The following ABAT variants were observed in gnomAD, a reference collection of about 807,000 sequenced individuals.
ABAT encodes 4-aminobutyrate aminotransferase, mitochondrial.
ABAT carries 45 observed loss-of-function variants against 64.6 expected under a neutral mutation model. The ratio of observed to expected loss-of-function variants is 0.70; its 90% CI spans 0.55 to 0.89. The LOEUF is 0.89. Ranked by LOEUF, ABAT falls within the 40% of genes least tolerant of loss-of-function variation. The pLI, the probability that ABAT is intolerant of heterozygous loss-of-function variation, is 0.00. For missense variants in ABAT, 633 were observed against 658.4 expected (o/e 0.96, Z 0.42); for synonymous variants, 297 against 250.5 (o/e 1.19, Z -1.75).
Position 8,698,554 on chromosome 16 carries a change from G to T in ABAT, c.-42+23843G>T, listed in dbSNP as rs546368141. Among the ~76,000 whole-genome samples the T allele has an allele frequency of 3.3e-5, 5 of 152,022 alleles. No individual in the cohort carries two copies. The East Asian group carries it at 9.8e-4, about 30-fold the overall frequency. Reference sequence around the variant, plus strand: ...TCACCATGTTGTCCAGGCTGGTCTCGAACTCCTGACCTCAGGTGATCCACC... The same window carrying T: ...TCACCATGTTGTCCAGGCTGGTCTCTAACTCCTGACCTCAGGTGATCCACC... On this transcript the variant is annotated intron_variant, in intron 1 of 15. Coordinates refer to ENST00000268251, the MANE Select transcript of ABAT (RefSeq NM_020686.6).
intron 1 of ABAT, among the ~76,000 whole-genome samples, chr16:8,675,169 C>A (rs547912205): frequency 4.0e-5 from 6 of 151,868 alleles, no homozygotes; most frequent in Admixed American, 2.0e-4. Flanking sequence ...TGGAAGCTCT[C>A]CCCCCATCAT....
chr16:8,775,915 G>A (rs957819180), intron 13 of ABAT, among the ~76,000 whole-genome samples: 2 of 152,124 alleles, frequency 1.3e-5, no homozygotes, highest in African/African-American at 4.8e-5. Flanking sequence ...ATCTTTGAGG[G>A]TCACTGCCAG....
At chr16:8,748,519 A>G (rs1245312895) in intron 4 of ABAT, among the ~76,000 whole-genome samples, 2 of 152,162 alleles carry the variant, frequency 1.3e-5, no homozygotes, top group East Asian at 3.8e-4. Context: ...GTTGTTGGGC[A>G]GAGTGTTCTA....
In ABAT at chr16:8,768,986, C is replaced by T. The variant is rs2060024419; in HGVS notation, c.816+13C>T. On this transcript the variant is annotated intron_variant, in intron 11 of 15. Coordinates refer to ENST00000268251, the MANE Select transcript of ABAT (RefSeq NM_020686.6). ...CTGTCTGGAAGAGGTAATGCTCATA[C>T]CCTGCGGATCCTCCCCAACCACCAG... 1 of 1,613,998 alleles carries T rather than the reference C, an allele frequency of 6.2e-7. No homozygotes were observed. Among genetic ancestry groups the T allele is most frequent in the Non-Finnish European group, 8.5e-7 (1 of 1,179,962 alleles).
At chr16:8,677,132 T>C (rs2057223262) in intron 1 of ABAT, among the ~76,000 whole-genome samples, 1 of 152,212 alleles carries the variant, frequency 6.6e-6, no homozygotes, top group Non-Finnish European at 1.5e-5. Context: ...TAGTGTCTGA[T>C]CTTAACCTCT....
chr16:8,781,101 G>A lies in ABAT; in HGVS notation c.1382-208G>A, dbSNP rs1433499583. The A allele has an allele frequency of 1.3e-6, 1 of 767,116 alleles. No individual in the cohort carries two copies. Among genetic ancestry groups the A allele is most frequent in the African/African-American group, 1.7e-5 (1 of 58,800 alleles). The allele number at this position is 767,116 out of a possible 1,614,324, so 47.5% of individuals were successfully genotyped here. A position where few individuals can be genotyped will look rare whatever the true frequency, so the allele number is the denominator to read the frequency against. On this transcript the variant is annotated intron_variant, in intron 15 of 15. Coordinates refer to ENST00000268251, the MANE Select transcript of ABAT (RefSeq NM_020686.6). The surrounding 1 kb of genome is among the most constrained non-coding windows in gnomAD (Gnocchi z 4.5). ...GGAAGGAAAGGAAGAAGAGAATGAT[G>A]GAGGAGATGAATGAGGGGAGAGAGA...
Position 8,780,569 on chromosome 16 carries a change from C to T in ABAT, c.1382-740C>T, listed in dbSNP as rs185427248. ...CTGAAGTCAGGAGTTCGAGACCAGC[C>T]TGGCCAACGGGGCAAAACCTCATCT... is the stretch of plus-strand genomic sequence containing the variant. On this transcript the variant is annotated intron_variant, in intron 15 of 15. Transcript: ENST00000268251. 4.8e-3 allele frequency: 757 copies of T among 156,226 alleles called. 11 individuals are homozygous for T. Among genetic ancestry groups the T allele is most frequent in the Non-Finnish European group, 4.3e-3 (306 of 70,670 alleles). The allele number at this position is 156,226 out of a possible 1,614,324, so 9.7% of individuals were successfully genotyped here.
Position 8,725,399 on chromosome 16 carries a change from C to T in ABAT, c.-41-10300C>T, listed in dbSNP as rs67350881. 5.9e-5 allele frequency among the ~76,000 whole-genome samples: 9 copies of T among 152,082 alleles called. No homozygotes were observed. In the East Asian group the frequency reaches 1.7e-3, roughly 29 times the overall value. On this transcript the variant is annotated intron_variant, in intron 1 of 15. Coordinates refer to ENST00000268251, the MANE Select transcript of ABAT (RefSeq NM_020686.6). The stretch of plus-strand genomic sequence containing the variant: ...CATTCCTCCCAGGCCCCTGCCAACC[C>T]CTGATTTATTTTCTGTCTTTGTAGA...
At chr16:8,725,544 A>T (rs2058525180) in intron 1 of ABAT, among the ~76,000 whole-genome samples, 1 of 152,248 alleles carries the variant, frequency 6.6e-6, no homozygotes, top group African/African-American at 2.4e-5. Flanking sequence ...AGCATGTGTC[A>T]GAACTTCATT....
intron 1 of ABAT, among the ~76,000 whole-genome samples, chr16:8,725,461 T>C (rs558829981): frequency 3.3e-5 from 5 of 152,340 alleles, no homozygotes; most frequent in African/African-American, 1.2e-4. Context: ...AATGGATTCG[T>C]AGACTATGGG....
chr16:8,712,007 G>GC (rs544267657), intron 1 of ABAT, among the ~76,000 whole-genome samples: 44 of 151,740 alleles, frequency 2.9e-4, no homozygotes, highest in Non-Finnish European at 6.0e-4. Flanking sequence ...TGGGAGGTCG[G>GC]GGGGGAGGGG....
intron 1 of ABAT, chr16:8,714,512 A>AT (rs1179299716): frequency 2.6e-5 from 4 of 152,324 alleles, no homozygotes; most frequent in Non-Finnish European, 4.4e-5. Flanking sequence ...TTCATTTTGA[A>AT]TTTTTTCCCA....
intron 11 of ABAT, among the ~76,000 whole-genome samples, chr16:8,769,894 T>G (rs1187895152): frequency 1.3e-5 from 2 of 152,200 alleles, no homozygotes; most frequent in Non-Finnish European, 2.9e-5. Context: ...GGTTTTTTTC[T>G]TAGGCACATC....
Position 8,781,354 on chromosome 16 carries a change from C to A in ABAT, c.1427C>A (p.Pro476His). The A allele has an allele frequency of 1.2e-6, 2 of 1,614,118 alleles. No individual in the cohort carries two copies. Among genetic ancestry groups the A allele is most frequent in the Non-Finnish European group, 1.7e-6 (2 of 1,179,998 alleles). Reference sequence around the variant, plus strand: ...GGTGACAAATCCATTCGTTTCCGTCCCACGCTGGTCTTCAGGGATCACCAC... The same window carrying A: ...GGTGACAAATCCATTCGTTTCCGTCACACGCTGGTCTTCAGGGATCACCAC... ...GCGDKSIRFR[P>H]TLVFRDHHAH... The change falls in exon 16 of 16, where the codon CCC (proline) becomes CAC (histidine). Residue 476 changes from proline (P) to histidine (H), a missense_variant. Physicochemically the swap from Pro to His is moderately conservative, Grantham distance 77. Coordinates refer to ENST00000268251, the MANE Select transcript of ABAT (RefSeq NM_020686.6). This position sits in a 1 kb window ranked among gnomAD's most constrained non-coding sequence, Gnocchi z 4.5.
intron 1 of ABAT, among the ~76,000 whole-genome samples, chr16:8,725,254 T>A (rs186554141): frequency 4.6e-5 from 7 of 152,298 alleles, no homozygotes; most frequent in African/African-American, 1.7e-4. Flanking sequence ...ATTAACCTTT[T>A]TAAGTGAAAA....
intron 1 of ABAT, among the ~76,000 whole-genome samples, chr16:8,686,125 T>C (rs1339151487): frequency 6.6e-6 from 1 of 151,844 alleles, no homozygotes; most frequent in Non-Finnish European, 1.5e-5. Flanking sequence ...CAGGGCTGTT[T>C]TGTGCACGGG....
At chr16:8,733,658 C>A (rs868499037) in intron 1 of ABAT, among the ~76,000 whole-genome samples, 20 of 151,872 alleles carry the variant, frequency 1.3e-4, no homozygotes, top group South Asian at 4.1e-4. Context: ...AGCGAAACCC[C>A]GTCTCCACCA....
chr16:8,701,480 C>T (rs1246826163), intron 1 of ABAT, among the ~76,000 whole-genome samples: 1 of 152,238 alleles, frequency 6.6e-6, no homozygotes, highest in East Asian at 1.9e-4. Flanking sequence ...AGGCCACAAG[C>T]TCTGGAACAG....
Position 8,783,558 on chromosome 16 carries a change from C to T in ABAT, c.*2128C>T, listed in dbSNP as rs2060486061. ...TATGCAAAGGCGTATCAGTTCATGG[C>T]ATCACATCTTTCACTGGGGAAGCCA... On this transcript the variant is annotated 3_prime_UTR_variant, in exon 16 of 16. Coordinates refer to ENST00000268251, the MANE Select transcript of ABAT (RefSeq NM_020686.6). 6.6e-6 allele frequency: 1 copy of T among 152,224 alleles called. No homozygotes were observed. The highest frequency in any genetic ancestry group is 2.4e-5 in the African/African-American group (1 of 41,458). 9.4% of individuals were successfully genotyped at this position (152,224 alleles called of 1,614,324 possible). A position where few individuals can be genotyped will look rare whatever the true frequency, so the allele number is the denominator to read the frequency against.
Sources: allele counts gnomAD v4.1 joint callset (sites outside exome capture counted in the v4.1 genomes callset), GRCh38; gene constraint gnomAD v4.1.1; non-coding constraint Gnocchi (gnomAD v3.1); transcripts MANE v1.5; gene names NCBI Gene and HGNC (gene_info 2026-07-23, HGNC 2026-07-21).